Variants in STRBP observed in about 807,000 individuals in gnomAD.
STRBP encodes the protein spermatid perinuclear RNA binding protein, also known as spermatid perinuclear RNA-binding protein.
STRBP carries 13 observed loss-of-function variants against 80.1 expected under a neutral mutation model. The observed-to-expected ratio is 0.16, with a 90% CI of 0.11 to 0.26. STRBP has a LOEUF of 0.26. STRBP is among the 10% of genes least tolerant of loss of function. STRBP has a pLI of 1.00. For synonymous variants in STRBP, 284 were observed against 291.2 expected, an observed-to-expected ratio of 0.98 and a Z score of 0.25; for missense variants, 485 against 815.2, an observed-to-expected ratio of 0.59 and a Z score of 4.93.
At chr9:123,190,297 A>G (rs1431104179) in intron 2 of STRBP, among the ~76,000 whole-genome samples, 1 of 152,042 alleles carries the variant, frequency 6.6e-6, no homozygotes, top group African/African-American at 2.4e-5. Context: ...AAAAAAAAAA[A>G]AAAGAACACA....
chr9:123,251,647 T>C (rs1047784278), intron 1 of STRBP, among the ~76,000 whole-genome samples: 5 of 152,210 alleles, frequency 3.3e-5, no homozygotes, highest in African/African-American at 1.2e-4. Context: ...ATAGCTAATA[T>C]TCTTAGATTG....
At chr9:123,254,481 A>G (rs1228191615) in intron 1 of STRBP, among the ~76,000 whole-genome samples, 4 of 149,470 alleles carry the variant, frequency 2.7e-5, no homozygotes, top group African/African-American at 9.8e-5. Context: ...AAAAAAAAAG[A>G]AAGAACAAAA....
chr9:123,176,481 T>G (rs910766355), intron 4 of STRBP, among the ~76,000 whole-genome samples: 2 of 152,208 alleles, frequency 1.3e-5, no homozygotes, highest in Non-Finnish European at 2.9e-5. Context: ...TGTTAATGAT[T>G]CTGAGTCACT....
chr9:123,218,561 G>C (rs1485406923), intron 2 of STRBP, among the ~76,000 whole-genome samples: 1 of 150,028 alleles, frequency 6.7e-6, no homozygotes, highest in East Asian at 2.0e-4. Flanking sequence ...AGTAGAGACG[G>C]GGTTTCACCT....
intron 2 of STRBP, among the ~76,000 whole-genome samples, chr9:123,207,597 TA>T (rs1249664758): frequency 6.6e-6 from 1 of 152,014 alleles, no homozygotes; most frequent in African/African-American, 2.4e-5. Context: ...GGTCGGGGGC[TA>T]GGGGAGGGAT....
chr9:123,174,720 G>C (rs2038148296), intron 4 of STRBP, among the ~76,000 whole-genome samples: 1 of 152,154 alleles, frequency 6.6e-6, no homozygotes, highest in Admixed American at 6.5e-5. Flanking sequence ...AGGAAGGAAA[G>C]ATAAACTGCC....
chr9:123,216,799 A>G (rs1299623813), intron 2 of STRBP, among the ~76,000 whole-genome samples: 1 of 152,228 alleles, frequency 6.6e-6, no homozygotes, highest in East Asian at 1.9e-4. Context: ...TGTACAGGAC[A>G]CTTTGCATTA....
intron 2 of STRBP, among the ~76,000 whole-genome samples, chr9:123,200,505 T>G (rs1468860619): frequency 1.3e-5 from 2 of 151,952 alleles, no homozygotes; most frequent in South Asian, 4.2e-4. Flanking sequence ...AGTCTCTGAA[T>G]GTCTGGTAGA....
intron 11 of STRBP, among the ~76,000 whole-genome samples, chr9:123,153,220 T>C (rs1175904860): frequency 6.7e-6 from 1 of 150,350 alleles, no homozygotes; most frequent in Non-Finnish European, 1.5e-5. Context: ...AGACAGAGTC[T>C]CGCTCTGTCA....
intron 2 of STRBP, among the ~76,000 whole-genome samples, chr9:123,224,617 C>T (rs1229303548): frequency 6.6e-6 from 1 of 152,148 alleles, no homozygotes; most frequent in Admixed American, 6.5e-5. Context: ...AATCCCACCT[C>T]AAAGAGTTAA....
chr9:123,133,995 GAAT>G (rs1168274514), intron 16 of STRBP, among the ~76,000 whole-genome samples: 4 of 151,980 alleles, frequency 2.6e-5, no homozygotes, highest in Non-Finnish European at 1.5e-5. Context: ...TATAAAATGA[GAAT>G]AATGATACTT....
chr9:123,236,214 A>G (rs1057473360), intron 2 of STRBP, among the ~76,000 whole-genome samples: 1 of 152,168 alleles, frequency 6.6e-6, no homozygotes, highest in Non-Finnish European at 1.5e-5. Context: ...GTACAGCAAA[A>G]TTATTGGTGA....
Position 123,136,267 on chromosome 9 carries a change from C to A in STRBP, c.1633-86G>T. ...TAAATAGATTATGACACAGAAAACA[C>A]CAAAAATCAAATAGTGCCACAAGAA... On this transcript the variant is annotated intron_variant, in intron 15 of 18. Transcript: ENST00000348403. This position sits in a 1 kb window ranked among gnomAD's most constrained non-coding sequence, Gnocchi z 4.2. 1 of 1,594,498 alleles carries A rather than the reference C, an allele frequency of 6.3e-7. No individual in the cohort carries two copies. The highest frequency in any genetic ancestry group is 8.5e-7 in the Non-Finnish European group (1 of 1,170,878).
rs1198169939 is a variant in STRBP, at chr9:123,115,454, C to G, written c.*84+475G>C. The G allele has an allele frequency of 2.2e-6, 1 of 462,288 alleles. No homozygotes were observed. Among genetic ancestry groups the G allele is most frequent in the Non-Finnish European group, 4.5e-6 (1 of 221,602 alleles). 28.6% of individuals were successfully genotyped at this position (462,288 alleles called of 1,614,324 possible). ...TTCTCCCTGCACAGAGGAGGACTCT[C>G]ATTCTGTTCAAATCCTCTGCACCTC... is the stretch of plus-strand genomic sequence containing the variant. On this transcript the variant is annotated intron_variant and NMD_transcript_variant, in intron 3 of 3. Coordinates refer to the STRBP transcript ENST00000471564. The surrounding 1 kb of genome is among the most constrained non-coding windows in gnomAD (Gnocchi z 5.0).
chr9:123,154,444 G>C (rs1385654949), intron 11 of STRBP, among the ~76,000 whole-genome samples: 1 of 152,188 alleles, frequency 6.6e-6, no homozygotes, highest in Non-Finnish European at 1.5e-5. Context: ...ATGATTTTCA[G>C]AAAGTCAGAA....
At chr9:123,253,260 ATTGTTCATGATAATGTCCATAAAGAG>A in intron 1 of STRBP, among the ~76,000 whole-genome samples, 1 of 152,242 alleles carries the variant, frequency 6.6e-6, no homozygotes, top group Admixed American at 6.5e-5. Context: ...ATTTCTTCTA[ATTGTTCATGATAATGTCCATAAAGAG>A]TTCCAAAGAT....
At chr9:123,264,673 C>T (rs2041231533) in intron 1 of STRBP, among the ~76,000 whole-genome samples, 1 of 152,156 alleles carries the variant, frequency 6.6e-6, no homozygotes. Context: ...AGCAAGTCAC[C>T]AGCGAAAATA....
rs184443648 is a variant in STRBP, at chr9:123,153,392, T to C, written c.1045+4620A>G. 9.8e-4 allele frequency among the ~76,000 whole-genome samples: 150 copies of C among 152,290 alleles called. 1 individual carries two copies. Among genetic ancestry groups the C allele is most frequent in the African/African-American group, 3.2e-3 (134 of 41,558 alleles). ...TTTCAGTAGAGACGGGGTTTCGCCATGTTGGCCAGGCTGGTCTTGAACTCC... is the reference window on the plus strand; with the variant it reads ...TTTCAGTAGAGACGGGGTTTCGCCACGTTGGCCAGGCTGGTCTTGAACTCC... On this transcript the variant is annotated intron_variant, in intron 11 of 18. Transcript: ENST00000348403.
chr9:123,222,513 T>C (rs1269992369), intron 2 of STRBP, among the ~76,000 whole-genome samples: 2 of 152,130 alleles, frequency 1.3e-5, no homozygotes, highest in African/African-American at 2.4e-5. Context: ...TTTAAAACCA[T>C]GAGTTCAACA....
Sources: gnomAD v4.1 joint callset for allele counts (sites outside exome capture counted in the v4.1 genomes callset) on GRCh38, gnomAD v4.1.1 for gene constraint, Gnocchi (gnomAD v3.1) non-coding constraint, MANE v1.5 for transcripts, NCBI Gene and HGNC (gene_info 2026-07-23, HGNC 2026-07-21) for gene names.